Variants in RARB observed in about 807,000 individuals in gnomAD.
The protein encoded by RARB is HBV-activated protein.
In RARB, 17 loss-of-function variants were observed where a neutral mutation model predicts 51.9. The ratio of observed to expected loss-of-function variants is 0.33; its 90% CI spans 0.22 to 0.49. RARB has a LOEUF of 0.49. RARB is among the 20% of genes least tolerant of loss of function. The pLI, the probability that RARB is intolerant of heterozygous loss-of-function variation, is 0.99. For missense variants in RARB, 369 were observed against 550.8 expected, an observed-to-expected ratio of 0.67 and a Z score of 3.30; for synonymous variants, 215 against 195.4, an observed-to-expected ratio of 1.10 and a Z score of -0.84.
chr3:25,204,361 C>G (rs914464428), intron 5 of RARB, among the ~76,000 whole-genome samples: 1 of 152,116 alleles, frequency 6.6e-6, no homozygotes, highest in Non-Finnish European at 1.5e-5. Flanking sequence ...TTCTTTGCCA[C>G]GAGTTTGAAC....
chr3:25,060,321 A>G, intron 3 of RARB: 1 of 151,856 alleles, frequency 6.6e-6, no homozygotes, highest in East Asian at 1.9e-4. Flanking sequence ...AAAAACCAAT[A>G]TTTATATTTT....
At chr3:24,883,728 A>AT (rs1703217107) in intron 2 of RARB, among the ~76,000 whole-genome samples, 1 of 152,114 alleles carries the variant, frequency 6.6e-6, no homozygotes, top group Non-Finnish European at 1.5e-5. Flanking sequence ...ATAAGCATTG[A>AT]TTTTCAAATT....
chr3:25,351,918 T>C (rs1005437041), intron 5 of RARB, among the ~76,000 whole-genome samples: 4 of 152,204 alleles, frequency 2.6e-5, no homozygotes, highest in Non-Finnish European at 4.4e-5. Context: ...AAAGATGCTA[T>C]AGCTGTCGGA....
At chr3:25,053,246 A>G (rs1698372526) in intron 2 of RARB, among the ~76,000 whole-genome samples, 1 of 152,162 alleles carries the variant, frequency 6.6e-6, no homozygotes, top group Non-Finnish European at 1.5e-5. Flanking sequence ...ATCCCTTCAT[A>G]CAATCACATT....
chr3:24,892,543 G>A (rs1464942926), intron 2 of RARB, among the ~76,000 whole-genome samples: 1 of 152,142 alleles, frequency 6.6e-6, no homozygotes, highest in African/African-American at 2.4e-5. Flanking sequence ...TGAGGCTTTT[G>A]CAAATTTGTC....
At chr3:24,851,647 C>A (rs1404377286) in intron 1 of RARB, among the ~76,000 whole-genome samples, 2 of 152,096 alleles carry the variant, frequency 1.3e-5, no homozygotes, top group Non-Finnish European at 2.9e-5. Flanking sequence ...TAGCAGTTGT[C>A]AGAATTTACA....
chr3:24,989,547 T>C lies in RARB; in HGVS notation c.-379-70578T>C, dbSNP rs924608047. Reference sequence around the variant, plus strand: ...TTGCCTGGCTGCTAGGTTTGAAATATCATCTCCCCTTGATGTTTAATATAT... The same window carrying C: ...TTGCCTGGCTGCTAGGTTTGAAATACCATCTCCCCTTGATGTTTAATATAT... On this transcript the variant is annotated intron_variant, in intron 2 of 11. Coordinates refer to the RARB transcript ENST00000383772. 3.7e-5 allele frequency among the ~76,000 whole-genome samples: 4 copies of C among 109,396 alleles called. 1 individual carries two copies. The highest frequency in any genetic ancestry group is 7.4e-5 in the Non-Finnish European group (4 of 53,862). The allele number at this position is 109,396 out of a possible 152,430, so 71.8% of individuals were successfully genotyped here. A position where few individuals can be genotyped will look rare whatever the true frequency, so the allele number is the denominator to read the frequency against.
intron 5 of RARB, among the ~76,000 whole-genome samples, chr3:25,177,905 T>C (rs192634721): frequency 1.4e-4 from 22 of 152,316 alleles, no homozygotes; most frequent in Non-Finnish European, 2.5e-4. Context: ...CTTTTAAGAA[T>C]GAAGTCGAAG....
intron 3 of RARB, among the ~76,000 whole-genome samples, chr3:25,100,628 T>C (rs1403747869): frequency 6.6e-6 from 1 of 152,218 alleles, no homozygotes; most frequent in Non-Finnish European, 1.5e-5. Context: ...ACATAGTGTT[T>C]GTGATCTGAT....
At chr3:25,127,112 G>A (rs536042782) in intron 3 of RARB, among the ~76,000 whole-genome samples, 1 of 152,154 alleles carries the variant, frequency 6.6e-6, no homozygotes, top group South Asian at 2.1e-4. Context: ...CTGTACTATT[G>A]CCCTACAGGA....
chr3:25,414,600 C>T (rs1264924812), intron 5 of RARB, among the ~76,000 whole-genome samples: 3 of 152,118 alleles, frequency 2.0e-5, no homozygotes, highest in Admixed American at 6.5e-5. Context: ...TTAGCAATTC[C>T]AATAGGTATG....
At position 25,578,515 on chromosome 3, in the gene RARB, C is replaced by T. The variant is rs375376236; in HGVS notation, c.610-2031C>T. ...TGGATACTCTATTGTAAAATGATTTCCCTCCATAAGCTTGACTCTCCGTCC... is the reference window on the plus strand; with the variant it reads ...TGGATACTCTATTGTAAAATGATTTTCCTCCATAAGCTTGACTCTCCGTCC... On this transcript the variant is annotated intron_variant, in intron 4 of 7. Transcript: ENST00000330688. 1.3e-4 allele frequency among the ~76,000 whole-genome samples: 20 copies of T among 152,308 alleles called. No individual in the cohort carries two copies. The South Asian group carries it at 2.1e-3, about 16-fold the overall frequency.
rs543265550 is a variant in RARB at position 25,298,329 on chromosome 3, C to T, written c.178+123754C>T. ...TCCTAAGTAGCTGGGGTTACAGCCA[C>T]GTGCCACCACGCCTGGCTAATTTTT... On this transcript the variant is annotated intron_variant, in intron 5 of 11. Coordinates refer to the RARB transcript ENST00000383772. 1.4e-3 allele frequency among the ~76,000 whole-genome samples: 214 copies of T among 152,124 alleles called. 1 individual carries two copies. Among genetic ancestry groups the T allele is most frequent in the African/African-American group, 4.9e-3 (205 of 41,496 alleles).
intron 5 of RARB, among the ~76,000 whole-genome samples, chr3:25,365,009 A>C (rs1706068405): frequency 6.6e-6 from 1 of 152,032 alleles, no homozygotes; most frequent in African/African-American, 2.4e-5. Context: ...ATTGACATCT[A>C]AGTTTTCAAT....
chr3:25,596,607 C>G lies in RARB; in HGVS notation c.1338C>G (p.Leu446=), dbSNP rs143290192. The stretch of plus-strand genomic sequence containing the variant: ...ACAGTGGGGTCAGTCAGTCACCACT[C>G]GTGCAATAAGACATTTTCTAGCTAC... ...VENSGVSQSP[L]VQ The change falls in exon 8 of 8, where the codon CTC becomes CTG. Residue 446 remains leucine, a synonymous_variant. Transcript: ENST00000330688. 1.5e-5 allele frequency: 24 copies of G among 1,592,618 alleles called. No individual in the cohort carries two copies. Among genetic ancestry groups the G allele is most frequent in the Middle Eastern group, 1.7e-4 (1 of 6,010 alleles).
At chr3:25,058,989 G>A (rs1236718998) in intron 2 of RARB, among the ~76,000 whole-genome samples, 1 of 151,182 alleles carries the variant, frequency 6.6e-6, no homozygotes, top group African/African-American at 2.4e-5. Flanking sequence ...ACCACCAAGA[G>A]ATAACCAGTA....
intron 5 of RARB, among the ~76,000 whole-genome samples, chr3:25,179,967 C>G (rs774106417): frequency 2.3e-4 from 35 of 152,172 alleles, no homozygotes; most frequent in Admixed American, 7.9e-4. Flanking sequence ...AGGAGCTGAG[C>G]TCATTCTGTT....
At chr3:25,095,392 C>T (rs1168512837) in intron 3 of RARB, among the ~76,000 whole-genome samples, 2 of 152,176 alleles carry the variant, frequency 1.3e-5, no homozygotes, top group African/African-American at 4.8e-5. Context: ...AATGCAAATT[C>T]TTGGGTTCCA....
intron 4 of RARB, among the ~76,000 whole-genome samples, chr3:25,161,835 G>A (rs374135127): frequency 4.6e-5 from 7 of 152,202 alleles, no homozygotes; most frequent in African/African-American, 1.7e-4. Context: ...GGGGCCCATG[G>A]AATGTATGCA....
Sources: allele counts gnomAD v4.1 joint callset (sites outside exome capture counted in the v4.1 genomes callset), GRCh38; gene constraint gnomAD v4.1.1; transcripts MANE v1.5; gene names NCBI Gene and HGNC (gene_info 2026-07-23, HGNC 2026-07-21).